The following SLC10A6 variants were observed in gnomAD, a reference collection of about 807,000 sequenced individuals.
SLC10A6 encodes the protein solute carrier family 10 member 6.
A neutral mutation model predicts 30.0 loss-of-function variants in SLC10A6; 27 were observed. The ratio of observed to expected loss-of-function variants is 0.90; its 90% confidence interval spans 0.66 to 1.24. SLC10A6 has a LOEUF of 1.24. Among genes scored for constraint, SLC10A6 ranks in the 50% most tolerant of loss-of-function variants. The probability of loss-of-function intolerance (pLI) is 0.00; values close to 1 mark genes in which losing one functional copy is unlikely to be tolerated. For synonymous variants in SLC10A6, 166 were observed against 173.8 expected (o/e 0.95, Z 0.36); for missense variants, 439 against 457.0 (o/e 0.96, Z 0.36).
intron 4 of SLC10A6, among the ~76,000 whole-genome samples, chr4:86,826,590 A>G (rs983097482): frequency 2.0e-5 from 3 of 151,934 alleles, no homozygotes; most frequent in Non-Finnish European, 4.4e-5. Flanking sequence ...ATAAAAACAC[A>G]AAAACCCTGA....
Position 86,842,828 on chromosome 4 carries a change from T to TGAGATGGAG in SLC10A6, c.377+5910_377+5911insCTCCATCTC, listed in dbSNP as rs1746319906. ...TTTCTTTCTTTCTTTCTTTCTTTCT[T>TGAGATGGAG]TCTTTCTTTCTTTCTTTCTTTCTTT... is the stretch of plus-strand genomic sequence containing the variant. On this transcript the variant is annotated intron_variant, in intron 1 of 5. Transcript: ENST00000273905. Among the ~76,000 whole-genome samples the TGAGATGGAG allele has an allele frequency of 6.0e-5, 3 of 49,866 alleles. No individual in the cohort carries two copies. The African/African-American group carries it at 6.1e-4, about 10-fold the overall frequency. 32.7% of individuals were successfully genotyped at this position (49,866 alleles called of 152,430 possible). A position where few individuals can be genotyped will look rare whatever the true frequency, so the allele number is the denominator to read the frequency against.
chr4:86,845,917 G>A (rs1746383978), intron 1 of SLC10A6, among the ~76,000 whole-genome samples: 1 of 152,224 alleles, frequency 6.6e-6, no homozygotes, highest in Non-Finnish European at 1.5e-5. Context: ...AAATGCCTGT[G>A]TGGGGTGAAC....
At chr4:86,835,266 T>C (rs1364523116) in intron 1 of SLC10A6, among the ~76,000 whole-genome samples, 1 of 152,146 alleles carries the variant, frequency 6.6e-6, no homozygotes, top group Non-Finnish European at 1.5e-5. Context: ...GCAAGTTGGT[T>C]AGGGCAAGGG....
At chr4:86,844,627 C>G (rs1746362482) in intron 1 of SLC10A6, among the ~76,000 whole-genome samples, 1 of 152,168 alleles carries the variant, frequency 6.6e-6, no homozygotes, top group South Asian at 2.1e-4. Context: ...GCCATGTAAT[C>G]AGGTCTAGGC....
intron 1 of SLC10A6, among the ~76,000 whole-genome samples, chr4:86,834,128 C>T (rs1439135254): frequency 6.6e-6 from 1 of 152,166 alleles, no homozygotes; most frequent in Non-Finnish European, 1.5e-5. Flanking sequence ...GGGCAGATCC[C>T]TCATGAACAG....
At chr4:86,833,130 G>C (rs1234229379) in intron 2 of SLC10A6, among the ~76,000 whole-genome samples, 176 bp downstream of exon 2, 1 of 152,114 alleles carries the variant, frequency 6.6e-6, no homozygotes, top group Non-Finnish European at 1.5e-5. Context: ...ACCTCTTGAA[G>C]CCTGAAGACC....
intron 5 of SLC10A6, 40 bp from the exon 6 acceptor site, chr4:86,823,942 CAA>C (rs1560457115): frequency 1.3e-6 from 2 of 1,540,708 alleles, no homozygotes; most frequent in African/African-American, 1.4e-5. Context: ...ATCACTTTAA[CAA>C]AGAGTCTAAT....
At chr4:86,835,341 C>T (rs1454752927) in intron 1 of SLC10A6, among the ~76,000 whole-genome samples, 2 of 152,132 alleles carry the variant, frequency 1.3e-5, no homozygotes, top group Non-Finnish European at 2.9e-5. Context: ...GAATTCTGTT[C>T]CAATCCTGAT....
Position 86,849,035 on chromosome 4 carries a change from A to C in SLC10A6, c.81T>G (p.His27Gln), listed in dbSNP as rs200863577. The change falls in exon 1 of 6, where the codon CAT becomes CAG. Residue 27 changes from histidine (H) to glutamine (Q), a missense_variant. Coordinates refer to ENST00000273905, the MANE Select transcript of SLC10A6 (RefSeq NM_197965.3). ...EEELPVGLEV[H>Q]GNLELVFTVV... ...CTGTGAAAACGAGCTCCAGGTTTCC[A>C]TGCACCTCCAGTCCCACTGGCAGCT... 2 of 1,614,172 alleles carry C rather than the reference A, an allele frequency of 1.2e-6. No individual in the cohort carries two copies. Among genetic ancestry groups the C allele is most frequent in the Non-Finnish European group, 1.7e-6 (2 of 1,180,026 alleles).
At chr4:86,827,520 T>C (rs1746016504) in intron 4 of SLC10A6, among the ~76,000 whole-genome samples, 1 of 152,332 alleles carries the variant, frequency 6.6e-6, no homozygotes, top group African/African-American at 2.4e-5. Flanking sequence ...TTCAACTGCA[T>C]AGTTTACTCT....
At chr4:86,844,766 G>A (rs570217605) in intron 1 of SLC10A6, among the ~76,000 whole-genome samples, 111 of 152,224 alleles carry the variant, frequency 7.3e-4, no homozygotes, top group Non-Finnish European at 1.5e-3. Context: ...TAAAGGAAAG[G>A]GATTTGATTG....
At chr4:86,837,159 T>G (rs755665228) in intron 1 of SLC10A6, among the ~76,000 whole-genome samples, 6 of 149,030 alleles carry the variant, frequency 4.0e-5, no homozygotes, top group Non-Finnish European at 5.9e-5. Context: ...AAAGCCTCCT[T>G]TGCTCTAAAC....
rs57559561 is a variant in SLC10A6, at chr4:86,828,159, C to T, written c.595G>A (p.Val199Ile). Reference sequence around the variant, plus strand: ...ACCAGAAGGAGGACCCCACCAACAACGGCCCCAATCTGAAGCAAACAATAA... The same window carrying T: ...ACCAGAAGGAGGACCCCACCAACAATGGCCCCAATCTGAAGCAAACAATAA... ...QSKIILKIGA[V>I]VGGVLLLVVA... Residue 199 changes from valine to isoleucine, a missense_variant, in exon 4 of 6, where the codon GTT (valine) becomes ATT (isoleucine). By Grantham distance (29) the Val-to-Ile change is conservative. Transcript: ENST00000273905. 2.3e-3 allele frequency: 3,635 copies of T among 1,610,186 alleles called. 86 individuals are homozygous for T. In the African/African-American group the frequency reaches 0.043, roughly 19 times the overall value.
At chr4:86,834,681 C>A (rs1021867593) in intron 1 of SLC10A6, among the ~76,000 whole-genome samples, 72 of 151,986 alleles carry the variant, frequency 4.7e-4, no homozygotes, top group Admixed American at 4.7e-3. Context: ...GTTCTGGTAC[C>A]AAGGGGATTG....
intron 1 of SLC10A6, among the ~76,000 whole-genome samples, chr4:86,837,297 G>GAA (rs1560460406): frequency 5.2e-5 from 5 of 95,420 alleles, no homozygotes; most frequent in Admixed American, 3.0e-4. Flanking sequence ...AAGAAAGGAA[G>GAA]GAAGGAAGGA....
At chr4:86,835,743 GAA>G (rs1223683876) in intron 1 of SLC10A6, among the ~76,000 whole-genome samples, 78 of 134,948 alleles carry the variant, frequency 5.8e-4, no homozygotes, top group Admixed American at 1.5e-3. Flanking sequence ...AAGAAAGAAA[GAA>G]AGAGAGAGAG....
chr4:86,837,279 GAAAGAAAA>G lies in SLC10A6; in HGVS notation c.378-3863_378-3856del, dbSNP rs1746208154. On this transcript the variant is annotated intron_variant, in intron 1 of 5. Transcript: ENST00000273905. ...AGAAAGAAAGAAAGAAAGAAAGAAAGAAAGAAAAAGAAAGGAAGGAAGGAAGGAAGGAA... is the reference window on the plus strand; with the variant it reads ...AGAAAGAAAGAAAGAAAGAAAGAAAGAGAAAGGAAGGAAGGAAGGAAGGAA... Among the ~76,000 whole-genome samples, 8 of 100,852 alleles carry G rather than the reference GAAAGAAAA, an allele frequency of 7.9e-5. 1 individual carries two copies. The South Asian group carries it at 2.3e-3, about 29-fold the overall frequency. The allele number at this position is 100,852 out of a possible 152,430, so 66.2% of individuals were successfully genotyped here. A position where few individuals can be genotyped will look rare whatever the true frequency, so the allele number is the denominator to read the frequency against.
chr4:86,840,218 C>G (rs75272714), intron 1 of SLC10A6, among the ~76,000 whole-genome samples: 2 of 151,978 alleles, frequency 1.3e-5, no homozygotes, highest in Non-Finnish European at 2.9e-5. Flanking sequence ...TGCACCCAGC[C>G]GACACTCTGG....
At chr4:86,837,278 A>G (rs1489324594) in intron 1 of SLC10A6, among the ~76,000 whole-genome samples, 21 of 105,858 alleles carry the variant, frequency 2.0e-4, no homozygotes, top group Non-Finnish European at 3.2e-4. Context: ...AAAGAAAGAA[A>G]GAAAGAAAAA....
Sources: gnomAD v4.1 joint callset for allele counts (sites outside exome capture counted in the v4.1 genomes callset) on GRCh38, gnomAD v4.1.1 for gene constraint, MANE v1.5 for transcripts, NCBI Gene and HGNC (gene_info 2026-07-23, HGNC 2026-07-21) for gene names.